The following TTC39B variants were observed in gnomAD, a reference collection of about 807,000 sequenced individuals.
The protein encoded by TTC39B is tetratricopeptide repeat protein 39B.
TTC39B carries 92 observed loss-of-function variants against 96.6 expected under a neutral mutation model. That is an observed-to-expected ratio of 0.95 (90% confidence interval 0.80 to 1.13). The LOEUF (loss-of-function observed/expected upper bound fraction) is 1.13. Ranked by LOEUF, TTC39B falls within the 50% of genes most tolerant of loss-of-function variation. The pLI, the probability that TTC39B is intolerant of heterozygous loss-of-function variation, is 0.00. For synonymous variants in TTC39B, 367 were observed against 299.4 expected, an observed-to-expected ratio of 1.23 and a Z score of -2.33; for missense variants, 955 against 809.3, an observed-to-expected ratio of 1.18 and a Z score of -2.18.
At chr9:15,229,335 T>C (rs1821299651) in intron 2 of TTC39B, among the ~76,000 whole-genome samples, 1 of 152,246 alleles carries the variant, frequency 6.6e-6, no homozygotes, top group Non-Finnish European at 1.5e-5. Context: ...CTTGGAGCAC[T>C]GTCTGACAGG....
intron 1 of TTC39B, among the ~76,000 whole-genome samples, chr9:15,302,239 T>C (rs1824615839): frequency 6.6e-6 from 1 of 151,526 alleles, no homozygotes; most frequent in Admixed American, 6.6e-5. Flanking sequence ...GGCAGGAGAA[T>C]CACTTGAGCC....
At chr9:15,226,475 G>C (rs1057167592) in intron 2 of TTC39B, among the ~76,000 whole-genome samples, 1 of 152,146 alleles carries the variant, frequency 6.6e-6, no homozygotes, top group African/African-American at 2.4e-5. Context: ...ACATGCTGCT[G>C]ACTGGAAATA....
chr9:15,200,336 A>G (rs1186398232), intron 7 of TTC39B, among the ~76,000 whole-genome samples: 2 of 152,220 alleles, frequency 1.3e-5, no homozygotes. Context: ...CACCCAGTAA[A>G]TGGGACAATG....
intron 2 of TTC39B, among the ~76,000 whole-genome samples, chr9:15,262,843 C>G (rs1234931466): frequency 2.0e-5 from 3 of 152,158 alleles, no homozygotes; most frequent in Admixed American, 6.5e-5. Flanking sequence ...AGCACTTGCT[C>G]TCTGCACCAG....
chr9:15,167,028 A>ATATATTT (rs1554758710), exon 20 of TTC39B: 1 of 11,022 alleles, frequency 9.1e-5, no homozygotes, highest in Non-Finnish European at 1.6e-4. Flanking sequence ...ATATATATAT[A>ATATATTT]TTTTTTTTTT....
intron 8 of TTC39B, among the ~76,000 whole-genome samples, chr9:15,195,481 CA>C (rs1242435820): frequency 6.6e-6 from 1 of 151,446 alleles, no homozygotes; most frequent in Non-Finnish European, 1.5e-5. Flanking sequence ...CCAGCCTGGC[CA>C]AGCATGGTGA....
At chr9:15,291,797 T>C (rs986090602) in intron 1 of TTC39B, among the ~76,000 whole-genome samples, 3 of 152,032 alleles carry the variant, frequency 2.0e-5, no homozygotes, top group African/African-American at 7.2e-5. Context: ...TTCAGATTTG[T>C]GGTATCTGTT....
intron 1 of TTC39B, among the ~76,000 whole-genome samples, chr9:15,274,786 T>C (rs1823479575): frequency 6.6e-6 from 1 of 152,200 alleles, no homozygotes; most frequent in Non-Finnish European, 1.5e-5. Flanking sequence ...ATAATTTTTT[T>C]AGATTTTTTT....
intron 1 of TTC39B, among the ~76,000 whole-genome samples, chr9:15,281,712 T>C (rs1035550270): frequency 4.0e-5 from 6 of 149,494 alleles, no homozygotes; most frequent in African/African-American, 1.5e-4. Flanking sequence ...GGTCTCACTC[T>C]GTCACTCACG....
chr9:15,208,834 T>C (rs1352653138), intron 6 of TTC39B, among the ~76,000 whole-genome samples: 14 of 152,212 alleles, frequency 9.2e-5, no homozygotes, highest in Admixed American at 7.9e-4. Flanking sequence ...CTTCACATCA[T>C]GCAAATGTTC....
exon 20 of TTC39B, chr9:15,168,975 C>CT: frequency 6.6e-6 from 1 of 152,182 alleles, no homozygotes; most frequent in Admixed American, 6.5e-5. Context: ...TACACACTCC[C>CT]TGCTGATTTG....
At chr9:15,230,461 C>G (rs1044556732) in intron 2 of TTC39B, among the ~76,000 whole-genome samples, 5 of 152,160 alleles carry the variant, frequency 3.3e-5, no homozygotes, top group African/African-American at 1.2e-4. Context: ...CTGGACATTT[C>G]ATATCAATGG....
intron 2 of TTC39B, among the ~76,000 whole-genome samples, chr9:15,257,950 T>G (rs1039779468): frequency 6.6e-6 from 1 of 151,792 alleles, no homozygotes; most frequent in African/African-American, 2.4e-5. Context: ...TCCCAGCTAC[T>G]CAGGAAGGCT....
chr9:15,195,182 T>C (rs1021886219), intron 8 of TTC39B, among the ~76,000 whole-genome samples: 1 of 152,174 alleles, frequency 6.6e-6, no homozygotes, highest in Non-Finnish European at 1.5e-5. Context: ...GCCCTGTTGC[T>C]GATATGGAGA....
intron 2 of TTC39B, among the ~76,000 whole-genome samples, chr9:15,228,333 G>A (rs557079881): frequency 3.2e-4 from 48 of 152,176 alleles, no homozygotes; most frequent in African/African-American, 1.1e-3. Flanking sequence ...GCGTGGTGGT[G>A]GGTGCCTGTA....
At chr9:15,285,216 C>T (rs1823919683) in intron 1 of TTC39B, among the ~76,000 whole-genome samples, 1 of 151,562 alleles carries the variant, frequency 6.6e-6, no homozygotes, top group African/African-American at 2.4e-5. Context: ...TTGCAGTGAG[C>T]CGAGATCACG....
intron 1 of TTC39B, among the ~76,000 whole-genome samples, chr9:15,290,696 G>A (rs1385991707): frequency 6.6e-6 from 1 of 152,192 alleles, no homozygotes; most frequent in Non-Finnish European, 1.5e-5. Flanking sequence ...TGTAACATGT[G>A]GATCCAGTGA....
chr9:15,250,483 G>A (rs1001967907), intron 2 of TTC39B, among the ~76,000 whole-genome samples: 1 of 151,572 alleles, frequency 6.6e-6, no homozygotes, highest in Non-Finnish European at 1.5e-5. Flanking sequence ...CTGAGACGCA[G>A]ATTTTATATC....
chr9:15,210,042 A>T, intron 6 of TTC39B, 46 bp downstream of exon 6: 1 of 1,335,628 alleles, frequency 7.5e-7, no homozygotes, highest in Non-Finnish European at 1.1e-6. Context: ...ATGATCATTT[A>T]ACTATTAAAA....
Sources: allele counts gnomAD v4.1 joint callset (sites outside exome capture counted in the v4.1 genomes callset), GRCh38; gene constraint gnomAD v4.1.1; transcripts MANE v1.5; gene names NCBI Gene and HGNC (gene_info 2026-07-23, HGNC 2026-07-21).